Variants in VPS13D observed in about 807,000 individuals in gnomAD.
VPS13D encodes intermembrane lipid transfer protein VPS13D.
VPS13D carries 187 observed loss-of-function variants against 461.9 expected under a neutral mutation model. The ratio of observed to expected loss-of-function variants is 0.40; its 90% confidence interval spans 0.36 to 0.46. The LOEUF (loss-of-function observed/expected upper bound fraction) is 0.46. Among genes scored for constraint, VPS13D ranks in the 20% least tolerant of loss-of-function variants. The pLI, the probability that VPS13D is intolerant of heterozygous loss-of-function variation, is 0.60. For missense variants in VPS13D, 4,711 were observed against 5,364.9 expected (o/e 0.88, Z 3.81); for synonymous variants, 1,951 against 1,986.3 (o/e 0.98, Z 0.47).
chr1:12,306,103 C>A (rs1642556567), intron 26 of VPS13D, among the ~76,000 whole-genome samples: 1 of 152,106 alleles, frequency 6.6e-6, no homozygotes, highest in South Asian at 2.1e-4. Context: ...CCTGCCTCAG[C>A]CTCCCGAGTA....
chr1:12,352,750 A>G (rs1643823569), intron 46 of VPS13D, among the ~76,000 whole-genome samples: 2 of 151,850 alleles, frequency 1.3e-5, no homozygotes, highest in South Asian at 4.2e-4. Context: ...GATCACCTGA[A>G]GTCAGGAGTT....
At chr1:12,425,592 A>T (rs188838560) in intron 65 of VPS13D, among the ~76,000 whole-genome samples, 152 of 152,060 alleles carry the variant, frequency 1.0e-3, no homozygotes, top group Middle Eastern at 3.4e-3. Context: ...AGCGATGTGA[A>T]GAGTGTAGCC....
At chr1:12,449,811 A>G (rs1358755626) in intron 65 of VPS13D, among the ~76,000 whole-genome samples, 2 of 152,172 alleles carry the variant, frequency 1.3e-5, no homozygotes, top group Non-Finnish European at 2.9e-5. Flanking sequence ...TGCATTAATT[A>G]TTCTCTTAAC....
chr1:12,255,642 C>G (rs1640896515), intron 7 of VPS13D, among the ~76,000 whole-genome samples: 1 of 151,230 alleles, frequency 6.6e-6, no homozygotes, highest in African/African-American at 2.4e-5. Flanking sequence ...GCCTGTAATC[C>G]CAGCACTTGG....
chr1:12,258,122 TG>T lies in VPS13D; in HGVS notation c.1110+20del. On this transcript the variant is annotated intron_variant, in intron 10 of 69. Coordinates refer to ENST00000620676, the MANE Select transcript of VPS13D (RefSeq NM_015378.4). Reference sequence around the variant, plus strand: ...TGACAAGGTAAGTGGACTGTGGTCTTGTGTTTCTTGTCTTATTCAGAAGATA... The same window carrying T: ...TGACAAGGTAAGTGGACTGTGGTCTTTGTTTCTTGTCTTATTCAGAAGATA... The T allele has an allele frequency of 6.2e-7, 1 of 1,612,644 alleles. No homozygotes were observed. Among genetic ancestry groups the T allele is most frequent in the South Asian group, 1.1e-5 (1 of 91,068 alleles).
chr1:12,486,144 C>T (rs1645794002), intron 67 of VPS13D, among the ~76,000 whole-genome samples: 1 of 152,224 alleles, frequency 6.6e-6, no homozygotes, highest in African/African-American at 2.4e-5. Context: ...CAGTTTGACA[C>T]AAGTTCAAGG....
At chr1:12,416,216 T>C (rs1438068843) in intron 64 of VPS13D, among the ~76,000 whole-genome samples, 1 of 152,146 alleles carries the variant, frequency 6.6e-6, no homozygotes, top group Non-Finnish European at 1.5e-5. Context: ...GATAAGTCTC[T>C]CCATGCCTTC....
chr1:12,442,035 C>G (rs1475790506), intron 65 of VPS13D, among the ~76,000 whole-genome samples: 1 of 151,592 alleles, frequency 6.6e-6, no homozygotes, highest in African/African-American at 2.4e-5. Context: ...ATTTTTTTAG[C>G]TTAAATAATT....
Position 12,311,899 on chromosome 1 carries a change from A to G in VPS13D, c.6909A>G (p.Arg2303=). The G allele has an allele frequency of 6.2e-7, 1 of 1,614,158 alleles. No individual in the cohort carries two copies. The highest frequency in any genetic ancestry group is 8.5e-7 in the Non-Finnish European group (1 of 1,179,982). ...GTCTGGAGCTTAAAGATCCAAAAAG[A>G]AAAGAAGGTGCTGGGTCCCTAGCCA... ...NVSLELKDPK[R]KEGAGSLARF... is the part of the protein sequence containing the mutation. The change falls in exon 29 of 70, where the codon AGA becomes AGG. Residue 2303 remains arginine (R), a synonymous_variant. Transcript: ENST00000620676.
intron 60 of VPS13D, among the ~76,000 whole-genome samples, chr1:12,395,387 C>T (rs1644481681): frequency 6.6e-6 from 1 of 152,216 alleles, no homozygotes; most frequent in Admixed American, 6.5e-5. Context: ...CCAATCATTG[C>T]CCTCACTTTA....
chr1:12,309,622 C>A (rs1642675088), intron 27 of VPS13D, among the ~76,000 whole-genome samples: 1 of 151,578 alleles, frequency 6.6e-6, no homozygotes, highest in Non-Finnish European at 1.5e-5. Flanking sequence ...ATTAGCCAGG[C>A]ATGGTGGCGT....
intron 64 of VPS13D, among the ~76,000 whole-genome samples, chr1:12,415,806 TG>T (rs1269452127): frequency 6.6e-6 from 1 of 152,194 alleles, no homozygotes; most frequent in African/African-American, 2.4e-5. Context: ...CTATCCTAAT[TG>T]GTGATATTTC....
At position 12,257,990 on chromosome 1, in the gene VPS13D, C is replaced by G. The variant is rs1292085806; in HGVS notation, c.997C>G (p.Gln333Glu). The G allele has an allele frequency of 6.2e-7, 1 of 1,614,150 alleles. No homozygotes were observed. Among genetic ancestry groups the G allele is most frequent in the African/African-American group, 1.3e-5 (1 of 75,012 alleles). Residue 333 changes from glutamine (Q) to glutamate (E), a missense_variant, in exon 10 of 70, where the codon CAG (glutamine) becomes GAG (glutamate). Gln to Glu is a conservative substitution (Grantham distance 29). This residue lies in a region of VPS13D where 4,411 missense variants were observed against 4,937.8 expected (regional missense o/e 0.89). Transcript: ENST00000620676. ...LNANLYEIRE[Q>E]RKRCTWDFML... ...TGCTAACTTGTATGAGATCAGAGAG[C>G]AGAGGAAACGTTGCACCTGGGACTT...
In VPS13D at chr1:12,507,174, A is replaced by G; in HGVS notation, c.13035+81A>G. 1.9e-6 allele frequency: 3 copies of G among 1,608,660 alleles called. No individual in the cohort carries two copies. The highest frequency in any genetic ancestry group is 2.5e-6 in the Non-Finnish European group (3 of 1,177,334). On this transcript the variant is annotated intron_variant, in intron 69 of 69. Coordinates refer to ENST00000620676, the MANE Select transcript of VPS13D (RefSeq NM_015378.4). This position sits in a 1 kb window ranked among gnomAD's most constrained non-coding sequence, Gnocchi z 5.3. ...TCTGCCCTGCTTCCCCGTCCTCAGC[A>G]GGAGCTCATTTAGGAGGTTGAGGCT...
In VPS13D at chr1:12,456,611, C is replaced by T. The variant is rs1456970218; in HGVS notation, c.12466+481C>T. 2.1e-5 allele frequency among the ~76,000 whole-genome samples: 3 copies of T among 144,550 alleles called. No individual in the cohort carries two copies. In the East Asian group the frequency reaches 6.0e-4, roughly 29 times the overall value. The allele number at this position is 144,550 out of a possible 152,430, so 94.8% of individuals were successfully genotyped here. A position where few individuals can be genotyped will look rare whatever the true frequency, so the allele number is the denominator to read the frequency against. On this transcript the variant is annotated intron_variant, in intron 66 of 69. Transcript: ENST00000620676. ...TGAGATCGTGCCACTGCACTCCAGC[C>T]TGGCAACAGAGCAAGACTCCAATTC...
chr1:12,365,238 A>G (rs1644017474), intron 52 of VPS13D, among the ~76,000 whole-genome samples: 1 of 152,236 alleles, frequency 6.6e-6, no homozygotes, highest in Non-Finnish European at 1.5e-5. Context: ...TTCTCTATTC[A>G]GAGTTCCTTA....
At position 12,456,269 on chromosome 1, in the gene VPS13D, C is replaced by T. The variant is rs530280889; in HGVS notation, c.12466+139C>T. ...TTGTAATCCCAGCATTTTGGGAGGC[C>T]TAGGAGAGTGGATCATGAGGTCAGG... On this transcript the variant is annotated intron_variant, in intron 66 of 69. Coordinates refer to ENST00000620676, the MANE Select transcript of VPS13D (RefSeq NM_015378.4). 21 of 1,298,986 alleles carry T rather than the reference C, an allele frequency of 1.6e-5. No homozygotes were observed. In the African/African-American group the frequency reaches 2.5e-4, roughly 16 times the overall value. 80.5% of individuals were successfully genotyped at this position (1,298,986 alleles called of 1,614,324 possible). A position where few individuals can be genotyped will look rare whatever the true frequency, so the allele number is the denominator to read the frequency against.
intron 58 of VPS13D, among the ~76,000 whole-genome samples, chr1:12,384,017 G>A (rs566050674): frequency 1.3e-5 from 2 of 152,190 alleles, no homozygotes; most frequent in African/African-American, 2.4e-5. Context: ...TTTTTCTAAG[G>A]CAACAAGGAG....
rs777516336 is a variant in VPS13D, at chr1:12,273,133, A to G, written c.2234A>G (p.Gln745Arg). Reference protein sequence around the residue: ...DLGRMLLTNTQDNSRRKSRDG... With the variant: ...DLGRMLLTNTRDNSRRKSRDG... ...GGAAGAATGCTTTTGACGAACACCC[A>G]AGGTATAGTGTGAGTGGGAAATAAT... The change falls in exon 18 of 70, where the codon CAA becomes CGA. Residue 745 changes from glutamine (Q) to arginine (R), a missense_variant and splice_region_variant. Gln to Arg is a conservative substitution (Grantham distance 43, BLOSUM62 1). Coordinates refer to ENST00000620676, the MANE Select transcript of VPS13D (RefSeq NM_015378.4). 3.1e-6 allele frequency: 5 copies of G among 1,613,868 alleles called. No homozygotes were observed. In the African/African-American group the frequency reaches 6.7e-5, roughly 22 times the overall value.
Sources: gnomAD v4.1 joint callset for allele counts (sites outside exome capture counted in the v4.1 genomes callset) on GRCh38, gnomAD v4.1.1 for gene constraint, gnomAD v4.1.1 regional missense constraint, Gnocchi (gnomAD v3.1) non-coding constraint, MANE v1.5 for transcripts, NCBI Gene and HGNC (gene_info 2026-07-23, HGNC 2026-07-21) for gene names.